The following SMTNL1 variants were observed in gnomAD, a reference collection of about 807,000 sequenced individuals.
SMTNL1 encodes smoothelin-like protein 1.
Under a neutral mutation model 46.6 loss-of-function variants are expected in SMTNL1, and 41 were observed. The ratio of observed to expected loss-of-function variants is 0.88; its 90% confidence interval spans 0.69 to 1.14. The LOEUF is 1.14. SMTNL1 is among the 50% of genes most tolerant of loss of function. The pLI is 0.00. For missense variants in SMTNL1, 591 were observed against 626.1 expected (o/e 0.94, Z 0.60); for synonymous variants, 234 against 234.2 (o/e 1.00, Z 0.01).
chr11:57,549,146 C>A (rs1361902261), intron 7 of SMTNL1, among the ~76,000 whole-genome samples: 1 of 152,052 alleles, frequency 6.6e-6, no homozygotes, highest in Non-Finnish European at 1.5e-5. Flanking sequence ...ATGCCTCAGC[C>A]TCCCGAGTAA....
chr11:57,544,118 G>A (rs1231310758), intron 4 of SMTNL1, among the ~76,000 whole-genome samples, 198 bp downstream of exon 4: 8 of 152,242 alleles, frequency 5.3e-5, no homozygotes, highest in Admixed American at 1.3e-4. Context: ...AGTGGCTCAC[G>A]CCTGTAATCC....
intron 7 of SMTNL1, among the ~76,000 whole-genome samples, chr11:57,547,652 G>A (rs563506427): frequency 4.6e-5 from 7 of 152,328 alleles, no homozygotes; most frequent in South Asian, 2.1e-4. Context: ...GGCCAATGCC[G>A]AAGCCCCCAG....
intron 7 of SMTNL1, among the ~76,000 whole-genome samples, chr11:57,547,134 T>TA (rs35605523): frequency 8.6e-5 from 13 of 151,692 alleles, no homozygotes; most frequent in Non-Finnish European, 1.6e-4. Context: ...ACTTTGTCTT[T>TA]AAAAAAAAAT....
intron 1 of SMTNL1, chr11:57,541,590 T>A (rs373898347): frequency 7.3e-7 from 1 of 1,364,958 alleles, no homozygotes; most frequent in African/African-American, 1.5e-5. Context: ...AGGAAACGCT[T>A]CCTTGCCCAG....
In SMTNL1 at chr11:57,543,168, C is replaced by T. The variant is rs369744196; in HGVS notation, c.526C>T (p.Gln176Ter). 2 of 1,613,574 alleles carry T rather than the reference C, an allele frequency of 1.2e-6. No homozygotes were observed. Among genetic ancestry groups the T allele is most frequent in the African/African-American group, 2.7e-5 (2 of 74,924 alleles). Reference sequence around the variant, plus strand: ...GGAGGAGGACGCCAAGACAGCCTCTCAGGAGGAGACAGGCCAGAGGAAAGA... The same window carrying T: ...GGAGGAGGACGCCAAGACAGCCTCTTAGGAGGAGACAGGCCAGAGGAAAGA... ...VEEEDAKTAS[Q>*]EETGQRKECS... Residue 176 changes from glutamine to a stop codon, truncating the protein, a stop_gained, in exon 2 of 8, where the codon CAG becomes TAG. Transcript: ENST00000527972. LOFTEE classifies it high-confidence loss of function.
chr11:57,546,143 C>T, intron 5 of SMTNL1, 90 bp from the exon 6 acceptor site: 1 of 1,508,734 alleles, frequency 6.6e-7, no homozygotes, highest in Non-Finnish European at 8.9e-7. Context: ...GGCAGGAGGA[C>T]TGACACCTGG....
chr11:57,543,991 C>T (rs1372609954), intron 4 of SMTNL1, 71 bp downstream of exon 4: 2 of 1,466,900 alleles, frequency 1.4e-6, no homozygotes, highest in African/African-American at 1.4e-5. Context: ...CCACCATCAA[C>T]TCAGTCTGGG....
At position 57,546,527 on chromosome 11, in the gene SMTNL1, C is replaced by T; in HGVS notation, c.1215C>T (p.Ser405=). ...ATGTGGACATCCAGAACTTCTCCTC[C>T]AGCTGGAGCAGTGGTATGGCCTTCT... ...YEHVDIQNFS[S]SWSSGMAFCA... is the part of the protein sequence containing the mutation. The change falls in exon 7 of 8, where the codon TCC becomes TCT. Residue 405 remains serine (S), a synonymous_variant. Transcript: ENST00000527972. 6.2e-7 allele frequency: 1 copy of T among 1,614,212 alleles called. No individual in the cohort carries two copies. The highest frequency in any genetic ancestry group is 8.5e-7 in the Non-Finnish European group (1 of 1,180,024).
At chr11:57,549,621 C>T (rs1239841462) in intron 7 of SMTNL1, among the ~76,000 whole-genome samples, 3 of 151,818 alleles carry the variant, frequency 2.0e-5, no homozygotes, top group Admixed American at 6.6e-5. Flanking sequence ...GGGATCCTCC[C>T]GCCTTGGCCT....
chr11:57,544,007 C>G, intron 4 of SMTNL1, 87 bp downstream of exon 4: 2 of 1,321,588 alleles, frequency 1.5e-6, no homozygotes, highest in South Asian at 1.3e-5. Context: ...CTGGGTTCCC[C>G]CAGCACCTGA....
At chr11:57,548,105 G>A (rs910738498) in intron 7 of SMTNL1, among the ~76,000 whole-genome samples, 1 of 152,140 alleles carries the variant, frequency 6.6e-6, no homozygotes, top group African/African-American at 2.4e-5. Context: ...ACGTCCAAGG[G>A]GAAGCACCTG....
chr11:57,545,765 T>TGC, intron 4 of SMTNL1, 116 bp from the exon 5 acceptor site: 2 of 1,019,516 alleles, frequency 2.0e-6, no homozygotes, highest in Non-Finnish European at 2.8e-6. Context: ...TGGGCACAGC[T>TGC]GCACACACCC....
intron 1 of SMTNL1, among the ~76,000 whole-genome samples, chr11:57,541,330 T>C (rs1944875631): frequency 6.6e-6 from 1 of 152,182 alleles, no homozygotes; most frequent in African/African-American, 2.4e-5. Context: ...TCTTACTGCC[T>C]GAGTCATGCC....
chr11:57,549,949 A>C lies in SMTNL1; in HGVS notation c.1341-19A>C. The C allele has an allele frequency of 6.2e-7, 1 of 1,613,246 alleles. No individual in the cohort carries two copies. Among genetic ancestry groups the C allele is most frequent in the Non-Finnish European group, 8.5e-7 (1 of 1,179,488 alleles). On this transcript the variant is annotated intron_variant, in intron 7 of 7. Transcript: ENST00000527972. ...CTTCACCTTTGACCTTCTGCTCCTC[A>C]TTCCACCCCATTCCTTAGGAAACTG...
Position 57,542,862 on chromosome 11 carries a change from G to A in SMTNL1, c.220G>A (p.Asp74Asn), listed in dbSNP as rs753359199. The A allele has an allele frequency of 3.1e-6, 5 of 1,612,556 alleles. No individual in the cohort carries two copies. In the African/African-American group the frequency reaches 5.3e-5, roughly 17 times the overall value. ...AELQGEANGLDEVKVESQREA... is the reference protein window; with the variant it reads ...AELQGEANGLNEVKVESQREA... Reference sequence around the variant, plus strand: ...ACTCCAGGGGGAAGCAAATGGATTAGATGAGGTCAAAGTGGAATCTCAGAG... The same window carrying A: ...ACTCCAGGGGGAAGCAAATGGATTAAATGAGGTCAAAGTGGAATCTCAGAG... Residue 74 changes from aspartate (D) to asparagine (N), a missense_variant, in exon 2 of 8, where the codon GAT becomes AAT. By Grantham distance (23) the Asp-to-Asn change is conservative. Transcript: ENST00000527972.
rs1211437528 is a variant in SMTNL1 at position 57,541,968 on chromosome 11, A to G, written c.-2-673A>G. 4.6e-5 allele frequency among the ~76,000 whole-genome samples: 7 copies of G among 152,050 alleles called. No homozygotes were observed. In the East Asian group the frequency reaches 9.6e-4, roughly 21 times the overall value. On this transcript the variant is annotated intron_variant, in intron 1 of 7. Coordinates refer to ENST00000527972, the MANE Select transcript of SMTNL1 (RefSeq NM_001105565.3). ...GTAGCAATTGTTCCATAGGTGTTCTAGGATGCCAGTATAAAACTGTGACCA... is the reference window on the plus strand; with the variant it reads ...GTAGCAATTGTTCCATAGGTGTTCTGGGATGCCAGTATAAAACTGTGACCA...
intron 1 of SMTNL1, among the ~76,000 whole-genome samples, chr11:57,539,352 G>A (rs1490420475): frequency 6.6e-6 from 1 of 152,058 alleles, no homozygotes; most frequent in African/African-American, 2.4e-5. Flanking sequence ...GTAAGACCCT[G>A]TCTCTTAAAA....
rs1944898982 is a variant in SMTNL1, at chr11:57,543,526, C to T, written c.733-98C>T. 12 of 1,529,862 alleles carry T rather than the reference C, an allele frequency of 7.8e-6. No individual in the cohort carries two copies. In the South Asian group the frequency reaches 9.0e-5, roughly 11 times the overall value. 94.8% of individuals were successfully genotyped at this position (1,529,862 alleles called of 1,614,324 possible). A position where few individuals can be genotyped will look rare whatever the true frequency, so the allele number is the denominator to read the frequency against. The stretch of plus-strand genomic sequence containing the variant: ...GGAGGGGGGACAAGGAGTGCAGCAC[C>T]GTAGTCCCAGGCTGCCTTTCAGAAC... On this transcript the variant is annotated intron_variant, in intron 2 of 7. Transcript: ENST00000527972.
In SMTNL1 at chr11:57,550,217, A is replaced by G. The variant is rs1944947799; in HGVS notation, c.*105A>G. The G allele has an allele frequency of 4.8e-6, 6 of 1,247,604 alleles. No individual in the cohort carries two copies. Among genetic ancestry groups the G allele is most frequent in the Non-Finnish European group, 5.5e-6 (5 of 908,300 alleles). The allele number at this position is 1,247,604 out of a possible 1,614,324, so 77.3% of individuals were successfully genotyped here. A position where few individuals can be genotyped will look rare whatever the true frequency, so the allele number is the denominator to read the frequency against. On this transcript the variant is annotated 3_prime_UTR_variant, in exon 8 of 8. Transcript: ENST00000527972. Reference sequence around the variant, plus strand: ...ATGGAGGCACCAGAGCCAGGGGCTTAGGCAAGGGTGTGTGGCGTTGGTTTT... The same window carrying G: ...ATGGAGGCACCAGAGCCAGGGGCTTGGGCAAGGGTGTGTGGCGTTGGTTTT...
Sources: allele counts gnomAD v4.1 joint callset (sites outside exome capture counted in the v4.1 genomes callset), GRCh38; gene constraint gnomAD v4.1.1; transcripts MANE v1.5; gene names NCBI Gene and HGNC (gene_info 2026-07-23, HGNC 2026-07-21).